Variants in SYTL4 observed in about 807,000 individuals in gnomAD.
SYTL4 encodes synaptotagmin like 4.
SYTL4 carries 16 observed loss-of-function variants against 52.7 expected under a neutral mutation model. The ratio of observed to expected loss-of-function variants is 0.30; its 90% CI spans 0.21 to 0.46. SYTL4 has a LOEUF of 0.46. Among genes scored for constraint, SYTL4 ranks in the 20% least tolerant of loss-of-function variants. The pLI is 1.00. For missense variants in SYTL4, 423 were observed against 519.9 expected (o/e 0.81, Z 1.81); for synonymous variants, 160 against 186.6 (o/e 0.86, Z 1.16).
chrX:100,706,399 C>T (rs2083958503), intron 2 of SYTL4, among the ~76,000 whole-genome samples: 1 of 112,269 alleles, frequency 8.9e-6, no homozygotes, highest in Non-Finnish European at 1.9e-5. Flanking sequence ...CATCACTTGC[C>T]AATCTGACTC....
chrX:100,679,430 C>T lies in SYTL4; in HGVS notation c.1559-18G>A. ...ACCTTTACCTGTAAGGGATGTCAGC[C>T]ATAGCAAGTGAGCCCCTTCCACCTC... On this transcript the variant is annotated intron_variant, in intron 17 of 19. Transcript: ENST00000372989. 8.9e-7 allele frequency: 1 copy of T among 1,128,470 alleles called. No individual in the cohort carries two copies. Among genetic ancestry groups the T allele is most frequent in the South Asian group, 1.8e-5 (1 of 54,764 alleles). The allele number at this position is 1,128,470 out of a possible 1,213,427, so 93.0% of individuals were successfully genotyped here.
chrX:100,713,856 C>CA (rs201890670), intron 2 of SYTL4, among the ~76,000 whole-genome samples: 1,978 of 98,614 alleles, frequency 0.02, 40 homozygotes, highest in African/African-American at 0.065. Flanking sequence ...ATAAGTCAGG[C>CA]AAAAAAAAAA....
In SYTL4 at chrX:100,675,281, G is replaced by C. The variant is rs1329424813; in HGVS notation, c.*747C>G. 8.9e-6 allele frequency: 1 copy of C among 112,213 alleles called. No homozygotes were observed. The highest frequency in any genetic ancestry group is 1.9e-5 in the Non-Finnish European group (1 of 53,163). 9.2% of individuals were successfully genotyped at this position (112,213 alleles called of 1,213,427 possible). On this transcript the variant is annotated 3_prime_UTR_variant, in exon 20 of 20. Coordinates refer to ENST00000372989, the MANE Select transcript of SYTL4 (RefSeq NM_001370165.1). ...TGAGATCAGCTAGAAGCTCTCACTG[G>C]GCATCCTCGTGATTTAGTCAAAATA...
chrX:100,676,106 C>T lies in SYTL4; in HGVS notation c.1938G>A (p.Met646Ile), dbSNP rs143469082. Residue 646 changes from methionine to isoleucine, a missense_variant, in exon 20 of 20, where the codon ATG becomes ATA. Coordinates refer to ENST00000372989, the MANE Select transcript of SYTL4 (RefSeq NM_001370165.1). ...TGEEVSLWQK[M>I]RQYPGSWAEG... is the part of the protein sequence containing the mutation. ...CTGCCCAAGACCCTGGGTACTGTCG[C>T]ATCTTCTGCCACAGGCTCACTTCTT... is the stretch of plus-strand genomic sequence containing the variant. 5,558 of 1,208,854 alleles carry T rather than the reference C, an allele frequency of 4.6e-3. 29 individuals are homozygous for T. The highest frequency in any genetic ancestry group is 5.6e-3 in the Non-Finnish European group (4,987 of 894,857).
At chrX:100,680,718 C>A (rs1369753389) in intron 17 of SYTL4, among the ~76,000 whole-genome samples, 1 of 112,264 alleles carries the variant, frequency 8.9e-6, no homozygotes, top group African/African-American at 3.2e-5. Context: ...TCAAAGCTCT[C>A]CCAAATGTAA....
At chrX:100,693,184 C>A (rs10217913) in intron 8 of SYTL4, among the ~76,000 whole-genome samples, 6,604 of 111,895 alleles carry the variant, frequency 0.059, 465 homozygotes, top group African/African-American at 0.2. Context: ...TCCGCCTCAG[C>A]CTCCCAAAGT....
Position 100,690,149 on chromosome X carries a change from C to T in SYTL4, c.734G>A (p.Gly245Asp), listed in dbSNP as rs144599593. The stretch of plus-strand genomic sequence containing the variant: ...CTCATCCACAAATACCACATTTTGA[C>T]CTCCAGGCTGAGTTTCCTAGGAAGG... Reference protein sequence around the residue: ...SQVEKETQPGGQNVVFVDEGE... With the variant: ...SQVEKETQPGDQNVVFVDEGE... The change falls in exon 11 of 20, where the codon GGT becomes GAT. Residue 245 changes from glycine (G) to aspartate (D), a missense_variant. Physicochemically the swap from Gly to Asp is moderately conservative, Grantham distance 94 (BLOSUM62 -1). Transcript: ENST00000372989. The T allele has an allele frequency of 5.7e-5, 69 of 1,206,887 alleles. No homozygotes were observed. Among genetic ancestry groups the T allele is most frequent in the Middle Eastern group, 2.3e-4 (1 of 4,345 alleles).
intron 2 of SYTL4, among the ~76,000 whole-genome samples, chrX:100,712,685 G>T (rs1054462722): frequency 8.9e-6 from 1 of 112,328 alleles, no homozygotes; most frequent in Non-Finnish European, 1.9e-5. Context: ...AAAATAAAAA[G>T]ATAAGCAGTA....
chrX:100,686,527 G>C (rs1407508081), intron 15 of SYTL4, 152 bp downstream of exon 15: 15 of 438,330 alleles, frequency 3.4e-5, no homozygotes, highest in Non-Finnish European at 5.5e-5. Flanking sequence ...TCTTCACTGG[G>C]AGATCAGGAT....
At chrX:100,725,858 A>T (rs1311949748) in intron 2 of SYTL4, among the ~76,000 whole-genome samples, 1 of 111,302 alleles carries the variant, frequency 9.0e-6, no homozygotes, top group African/African-American at 3.3e-5. Flanking sequence ...AAATCAAATC[A>T]CGCTTTCTGA....
At chrX:100,729,167 AG>A (rs200037131) in intron 2 of SYTL4, among the ~76,000 whole-genome samples, 1,896 of 111,709 alleles carry the variant, frequency 0.017, 47 homozygotes, top group African/African-American at 0.059. Flanking sequence ...TTACACCTGT[AG>A]GGCGACAAAC....
At chrX:100,715,162 A>G (rs1324618599) in intron 2 of SYTL4, among the ~76,000 whole-genome samples, 1 of 111,121 alleles carries the variant, frequency 9.0e-6, no homozygotes, top group Non-Finnish European at 1.9e-5. Flanking sequence ...CTGGGATTGC[A>G]GGCACAAGCC....
chrX:100,714,276 T>A (rs2084144156), intron 2 of SYTL4, among the ~76,000 whole-genome samples: 1 of 109,603 alleles, frequency 9.1e-6, no homozygotes, highest in Non-Finnish European at 1.9e-5. Flanking sequence ...TTTTTTTTTT[T>A]TTTGAGATGG....
intron 2 of SYTL4, among the ~76,000 whole-genome samples, chrX:100,726,377 C>A (rs966202080): frequency 2.7e-5 from 3 of 111,151 alleles, no homozygotes; most frequent in Non-Finnish European, 5.7e-5. Flanking sequence ...AAATGCTATT[C>A]CAACCCTTCA....
chrX:100,677,704 AAAG>A (rs1195201714), intron 19 of SYTL4, among the ~76,000 whole-genome samples: 1 of 111,767 alleles, frequency 8.9e-6, no homozygotes, highest in Non-Finnish European at 1.9e-5. Flanking sequence ...TTTCAAGCGA[AAAG>A]GAGTGATCTA....
At chrX:100,728,963 G>A (rs1211284869) in intron 2 of SYTL4, among the ~76,000 whole-genome samples, 1 of 109,765 alleles carries the variant, frequency 9.1e-6, no homozygotes, top group African/African-American at 3.3e-5. Flanking sequence ...CATGAACCCA[G>A]GAGGCAGAGC....
At chrX:100,709,569 A>G (rs1037812386) in intron 2 of SYTL4, among the ~76,000 whole-genome samples, 2 of 111,779 alleles carry the variant, frequency 1.8e-5, no homozygotes, top group South Asian at 3.7e-4. Flanking sequence ...CAACTTCCAC[A>G]TTTACTAGCT....
chrX:100,676,246 CA>C, intron 19 of SYTL4, 70 bp from the exon 20 acceptor site: 1 of 1,129,700 alleles, frequency 8.9e-7, no homozygotes, highest in Non-Finnish European at 1.2e-6. Context: ...ATGGGTTGTA[CA>C]GCAAGATTAG....
intron 2 of SYTL4, among the ~76,000 whole-genome samples, chrX:100,724,724 C>G (rs184924140): frequency 0.027 from 2,909 of 106,917 alleles, 58 homozygotes; most frequent in African/African-American, 0.063. Context: ...CCCAGGGACA[C>G]AAACACTGCG....
Sources: gnomAD v4.1 joint callset for allele counts (sites outside exome capture counted in the v4.1 genomes callset) on GRCh38, gnomAD v4.1.1 for gene constraint, MANE v1.5 for transcripts, NCBI Gene and HGNC (gene_info 2026-07-23, HGNC 2026-07-21) for gene names.